Variants in C9 observed in about 807,000 individuals in gnomAD.
The protein encoded by C9 is complement C9.
Under a neutral mutation model 65.4 loss-of-function variants are expected in C9, and 63 were observed. The observed-to-expected ratio is 0.96, with a 90% CI of 0.79 to 1.19. The LOEUF is 1.19. Among genes scored for constraint, C9 ranks in the 50% most tolerant of loss-of-function variants. C9 has a pLI of 0.00. For missense variants in C9, 744 were observed against 670.1 expected (o/e 1.11, Z -1.22); for synonymous variants, 229 against 227.9 (o/e 1.00, Z -0.04).
chr5:39,330,448 G>A (rs571190686), intron 5 of C9, among the ~76,000 whole-genome samples: 1 of 152,312 alleles, frequency 6.6e-6, no homozygotes, highest in Admixed American at 6.5e-5. Context: ...GAAGCTAAGA[G>A]CTGATCACAG....
intron 1 of C9, among the ~76,000 whole-genome samples, chr5:39,356,725 A>G (rs367603627): frequency 6.6e-6 from 1 of 152,236 alleles, no homozygotes; most frequent in African/African-American, 2.4e-5. Flanking sequence ...TGCTGCATAA[A>G]TACTAAGAAA....
chr5:39,358,183 T>A (rs1228041041), intron 1 of C9, among the ~76,000 whole-genome samples: 1 of 152,224 alleles, frequency 6.6e-6, no homozygotes, highest in Non-Finnish European at 1.5e-5. Flanking sequence ...TAATTGCTAT[T>A]CTTTTAAGAT....
chr5:39,336,468 G>T (rs1214913373), intron 4 of C9, among the ~76,000 whole-genome samples: 1 of 151,982 alleles, frequency 6.6e-6, no homozygotes, highest in Admixed American at 6.6e-5. Context: ...TGACCATAGG[G>T]TCTAAGTATT....
At chr5:39,337,530 C>T (rs1355083877) in intron 4 of C9, among the ~76,000 whole-genome samples, 1 of 152,234 alleles carries the variant, frequency 6.6e-6, no homozygotes, top group African/African-American at 2.4e-5. Context: ...AGAATATGTT[C>T]TTTGGCAGTG....
In C9 at chr5:39,306,750, A is replaced by T; in HGVS notation, c.1283T>A (p.Leu428His). 1 of 1,612,418 alleles carries T rather than the reference A, an allele frequency of 6.2e-7. No homozygotes were observed. The highest frequency in any genetic ancestry group is 8.5e-7 in the Non-Finnish European group (1 of 1,178,536). Reference sequence around the variant, plus strand: ...ATATTTTCTGGTTCCACCTCTTATGAGTGAAACAACATCATCTATGAGGTT... The same window carrying T: ...ATATTTTCTGGTTCCACCTCTTATGTGTGAAACAACATCATCTATGAGGTT... ...SENLIDDVVS[L>H]IRGGTRKYAF... Residue 428 changes from leucine (L) to histidine (H), a missense_variant, in exon 9 of 11, where the codon CTC becomes CAC. Leu to His is a moderately conservative substitution (Grantham distance 99). Coordinates refer to ENST00000263408, the MANE Select transcript of C9 (RefSeq NM_001737.5).
rs770450210 is a variant in C9, at chr5:39,364,487, G to A, written c.-23C>T. On this transcript the variant is annotated 5_prime_UTR_variant, in exon 1 of 11. Transcript: ENST00000263408. Reference sequence around the variant, plus strand: ...CATGCTGCTCTTGCTGGGTGGCTGCGAGTGGGGTGGCAGGGCAGGTCTGGT... The same window carrying A: ...CATGCTGCTCTTGCTGGGTGGCTGCAAGTGGGGTGGCAGGGCAGGTCTGGT... 11 of 1,462,240 alleles carry A rather than the reference G, an allele frequency of 7.5e-6. No individual in the cohort carries two copies. Among genetic ancestry groups the A allele is most frequent in the Admixed American group, 3.3e-5 (2 of 59,732 alleles). 90.6% of individuals were successfully genotyped at this position (1,462,240 alleles called of 1,614,324 possible).
chr5:39,359,383 G>A (rs1754475602), intron 1 of C9, among the ~76,000 whole-genome samples: 1 of 151,942 alleles, frequency 6.6e-6, no homozygotes, highest in African/African-American at 2.4e-5. Flanking sequence ...ACAGATGTGA[G>A]AGTTGTCAGA....
chr5:39,341,250 G>T lies in C9; in HGVS notation c.372C>A (p.Asp124Glu). Residue 124 changes from aspartate to glutamate, a missense_variant, in exon 4 of 11, where the codon GAC becomes GAA. Physicochemically the swap from Asp to Glu is conservative, Grantham distance 45 (BLOSUM62 2). Coordinates refer to ENST00000263408, the MANE Select transcript of C9 (RefSeq NM_001737.5). ...KMRLRCNGDN[D>E]CGDFSDEDDC... ...CATCCTCATCTGAAAAGTCTCCGCA[G>T]TCATTGTCACCATTACACCGAAGTC... The T allele has an allele frequency of 6.2e-7, 1 of 1,614,156 alleles. No individual in the cohort carries two copies. Among genetic ancestry groups the T allele is most frequent in the Non-Finnish European group, 8.5e-7 (1 of 1,179,998 alleles).
At chr5:39,331,913 CA>C (rs1167096061) in intron 4 of C9, 99 bp from the exon 5 acceptor site, 2 of 962,962 alleles carry the variant, frequency 2.1e-6, no homozygotes, top group African/African-American at 3.2e-5. Flanking sequence ...CAGTTCATGT[CA>C]CCGTCACCCA....
At chr5:39,345,994 C>G (rs916636350) in intron 1 of C9, among the ~76,000 whole-genome samples, 1 of 152,116 alleles carries the variant, frequency 6.6e-6, no homozygotes, top group African/African-American at 2.4e-5. Context: ...CACAACATAC[C>G]AGAATGTCTG....
chr5:39,346,052 C>A (rs1754187559), intron 1 of C9, among the ~76,000 whole-genome samples: 2 of 152,078 alleles, frequency 1.3e-5, no homozygotes, highest in South Asian at 4.1e-4. Flanking sequence ...GCACTAAATG[C>A]CCACAAGAGA....
intron 9 of C9, among the ~76,000 whole-genome samples, chr5:39,299,753 TGTAA>T (rs374889946): frequency 4.3e-4 from 66 of 152,208 alleles, no homozygotes; most frequent in African/African-American, 1.5e-3. Context: ...GTTTCATGAT[TGTAA>T]GTGTTTGTGG....
At chr5:39,301,091 A>G (rs915891510) in intron 9 of C9, among the ~76,000 whole-genome samples, 1 of 152,174 alleles carries the variant, frequency 6.6e-6, no homozygotes, top group African/African-American at 2.4e-5. Flanking sequence ...AGCACTAACT[A>G]TAGTGAATAG....
chr5:39,295,576 C>T (rs757841888), intron 9 of C9, among the ~76,000 whole-genome samples: 14 of 151,472 alleles, frequency 9.2e-5, no homozygotes, highest in Non-Finnish European at 1.9e-4. Context: ...ATCCCATGCT[C>T]CAGGCTTCGG....
rs766955014 is a variant in C9, at chr5:39,284,982, T to C, written c.*217A>G. 1.9e-6 allele frequency: 1 copy of C among 520,672 alleles called. No homozygotes were observed. The highest frequency in any genetic ancestry group is 3.5e-6 in the Non-Finnish European group (1 of 287,084). The allele number at this position is 520,672 out of a possible 1,614,324, so 32.3% of individuals were successfully genotyped here. A position where few individuals can be genotyped will look rare whatever the true frequency, so the allele number is the denominator to read the frequency against. On this transcript the variant is annotated 3_prime_UTR_variant, in exon 11 of 11. Transcript: ENST00000263408. ...AGTTCTGGCGTATTTCACTGTTGACTTCTCATTAGGGAACAAAAAATGGAA... is the reference window on the plus strand; with the variant it reads ...AGTTCTGGCGTATTTCACTGTTGACCTCTCATTAGGGAACAAAAAATGGAA...
At chr5:39,341,812 G>A in intron 2 of C9, 112 bp from the exon 3 acceptor site, 1 of 1,004,418 alleles carries the variant, frequency 1.0e-6, no homozygotes. Flanking sequence ...TTTTAAGATA[G>A]AAGTGGTGGA....
chr5:39,352,074 T>C (rs1444374715), intron 1 of C9, among the ~76,000 whole-genome samples: 1 of 151,962 alleles, frequency 6.6e-6, no homozygotes, highest in Non-Finnish European at 1.5e-5. Flanking sequence ...CCAATCATGG[T>C]GGAAGGGTGA....
intron 9 of C9, among the ~76,000 whole-genome samples, chr5:39,290,620 C>T (rs1477516778): frequency 6.6e-6 from 1 of 151,666 alleles, no homozygotes; most frequent in Admixed American, 6.6e-5. Flanking sequence ...TTTAAAACTG[C>T]TAAAATGCCC....
At chr5:39,296,032 C>T (rs1435749378) in intron 9 of C9, among the ~76,000 whole-genome samples, 1 of 151,384 alleles carries the variant, frequency 6.6e-6, no homozygotes, top group African/African-American at 2.4e-5. Flanking sequence ...AAAAATCAAC[C>T]CAATATAGAA....
Sources: gnomAD v4.1 joint callset for allele counts (sites outside exome capture counted in the v4.1 genomes callset) on GRCh38, gnomAD v4.1.1 for gene constraint, MANE v1.5 for transcripts, NCBI Gene and HGNC (gene_info 2026-07-23, HGNC 2026-07-21) for gene names.